The following SEL1L2 variants were observed in gnomAD, a reference collection of about 807,000 sequenced individuals.
The protein encoded by SEL1L2 is protein sel-1 homolog 2.
SEL1L2 carries 89 observed loss-of-function variants against 98.8 expected under a neutral mutation model. The ratio of observed to expected loss-of-function variants is 0.90; its 90% CI spans 0.76 to 1.07. The LOEUF (loss-of-function observed/expected upper bound fraction) is 1.07. Among genes scored for constraint, SEL1L2 ranks in the 50% least tolerant of loss-of-function variants. The pLI is 0.00. For missense variants in SEL1L2, 788 were observed against 812.0 expected (o/e 0.97, Z 0.36); for synonymous variants, 262 against 278.5 (o/e 0.94, Z 0.59).
intron 1 of SEL1L2, among the ~76,000 whole-genome samples, chr20:13,982,508 CA>C (rs10713892): frequency 0.41 from 27,459 of 67,646 alleles, 2,228 homozygotes; most frequent in East Asian, 0.47. Flanking sequence ...GAGACTCTGC[CA>C]AAAAAAAAAA....
At position 13,967,163 on chromosome 20, in the gene SEL1L2, C is replaced by T. The variant is rs531190120; in HGVS notation, c.59-11032G>A. Among the ~76,000 whole-genome samples the T allele has an allele frequency of 3.3e-5, 5 of 152,154 alleles. No individual in the cohort carries two copies. The South Asian group carries it at 1.0e-3, about 32-fold the overall frequency. ...CCCAAAGTGCTGGGATTACAGGAGC[C>T]AGCCACTGTGCCCAGCCAAAACCTA... On this transcript the variant is annotated intron_variant, in intron 1 of 19. Coordinates refer to ENST00000284951, the MANE Select transcript of SEL1L2 (RefSeq NM_025229.2).
chr20:13,946,226 T>G (rs2050000203), intron 2 of SEL1L2, among the ~76,000 whole-genome samples: 2 of 152,176 alleles, frequency 1.3e-5, no homozygotes, highest in Admixed American at 1.3e-4. Context: ...AGATATAATC[T>G]CATATGTAGA....
At chr20:13,951,051 C>T (rs143286749) in intron 2 of SEL1L2, among the ~76,000 whole-genome samples, 3,716 of 150,598 alleles carry the variant, frequency 0.025, 137 homozygotes, top group African/African-American at 0.081. Flanking sequence ...CCGAGGCGTG[C>T]GGATCACAAG....
At chr20:13,859,790 C>T (rs1989795322) in intron 17 of SEL1L2, among the ~76,000 whole-genome samples, 1 of 152,186 alleles carries the variant, frequency 6.6e-6, no homozygotes, top group Non-Finnish European at 1.5e-5. Context: ...ACCTCTGCCT[C>T]TCAGGTTCAA....
intron 4 of SEL1L2, among the ~76,000 whole-genome samples, chr20:13,918,188 C>T (rs2048493501): frequency 6.6e-6 from 1 of 152,202 alleles, no homozygotes; most frequent in Non-Finnish European, 1.5e-5. Flanking sequence ...AAAACTAACA[C>T]ACCTGTATTT....
At chr20:13,918,894 A>C in intron 4 of SEL1L2, 127 bp downstream of exon 4, 1 of 637,596 alleles carries the variant, frequency 1.6e-6, no homozygotes, top group South Asian at 2.1e-5. Flanking sequence ...TTTTAAAAAC[A>C]ATAGTTTATG....
intron 5 of SEL1L2, among the ~76,000 whole-genome samples, chr20:13,900,842 C>G (rs1309867947): frequency 6.6e-6 from 1 of 152,154 alleles, no homozygotes; most frequent in Non-Finnish European, 1.5e-5. Flanking sequence ...GGGGGCTCAC[C>G]TGGCAACAAC....
At chr20:13,983,042 A>AAAAAAAAAAAAAG (rs1171546416) in intron 1 of SEL1L2, among the ~76,000 whole-genome samples, 1 of 143,862 alleles carries the variant, frequency 7.0e-6, no homozygotes, top group Non-Finnish European at 1.5e-5. Context: ...AAAAAAAAAA[A>AAAAAAAAAAAAAG]AAAAAAGCAG....
In SEL1L2 at chr20:13,849,602, G is replaced by A. The variant is rs1987879596; in HGVS notation, c.1950C>T (p.Phe650=). Residue 650 remains phenylalanine (F), a splice_region_variant and synonymous_variant, in exon 20 of 20, where the codon TTC becomes TTT. Coordinates refer to ENST00000284951, the MANE Select transcript of SEL1L2 (RefSeq NM_025229.2). Reference sequence around the variant, plus strand: ...GTTTCAGCCAGTTCCATCTCGTTGTGAACTGCTGGCAAGAGACATTCTCTC... The same window carrying A: ...GTTTCAGCCAGTTCCATCTCGTTGTAAACTGCTGGCAAGAGACATTCTCTC... The part of the protein sequence containing the change: ...HLLRDILFFN[F]TTRWNWLKLD... 1.2e-6 allele frequency: 2 copies of A among 1,613,534 alleles called. No individual in the cohort carries two copies. Among genetic ancestry groups the A allele is most frequent in the African/African-American group, 1.3e-5 (1 of 74,862 alleles).
chr20:13,873,532 T>C (rs1246036791), intron 12 of SEL1L2, among the ~76,000 whole-genome samples: 1 of 151,914 alleles, frequency 6.6e-6, no homozygotes, highest in East Asian at 1.9e-4. Context: ...CAGCTAATTT[T>C]TGTATTTTTA....
rs781465250 is a variant in SEL1L2 at position 13,887,967 on chromosome 20, C to T, written c.638G>A (p.Gly213Glu). The change falls in exon 7 of 20, where the codon GGA (glycine) becomes GAA (glutamate). Residue 213 changes from glycine (G) to glutamate (E), a missense_variant. Coordinates refer to ENST00000284951, the MANE Select transcript of SEL1L2 (RefSeq NM_025229.2). Reference protein sequence around the residue: ...LIYYTFGSAGGNMMSQMILGY... With the variant: ...LIYYTFGSAGENMMSQMILGY... ...CAAAATCATCTGGGACATCATGTTT[C>T]CTCCAGCACTTCCAAAGGTGTAATA... 1 of 1,613,736 alleles carries T rather than the reference C, an allele frequency of 6.2e-7. No homozygotes were observed. The highest frequency in any genetic ancestry group is 1.1e-5 in the South Asian group (1 of 91,066).
intron 17 of SEL1L2, among the ~76,000 whole-genome samples, chr20:13,863,468 C>T (rs1467043169): frequency 6.6e-6 from 1 of 152,132 alleles, no homozygotes; most frequent in Non-Finnish European, 1.5e-5. Flanking sequence ...GTGACTGAGT[C>T]CTGATGGTTC....
intron 12 of SEL1L2, among the ~76,000 whole-genome samples, chr20:13,873,374 A>T (rs946354893): frequency 4.7e-5 from 7 of 150,384 alleles, no homozygotes; most frequent in East Asian, 2.0e-4. Context: ...TTATTTATTT[A>T]TTTTTTGAGA....
chr20:13,951,252 G>A (rs2050250019), intron 2 of SEL1L2, among the ~76,000 whole-genome samples: 1 of 138,120 alleles, frequency 7.2e-6, no homozygotes, highest in Non-Finnish European at 1.5e-5. Flanking sequence ...ACTCCAGCCT[G>A]GGCGACAGAG....
intron 10 of SEL1L2, among the ~76,000 whole-genome samples, chr20:13,878,958 C>G (rs1439271719): frequency 6.6e-6 from 1 of 152,178 alleles, no homozygotes; most frequent in African/African-American, 2.4e-5. Flanking sequence ...GTATCCAGTT[C>G]TCCTATAAGT....
At chr20:13,954,042 A>T (rs118087000) in intron 2 of SEL1L2, among the ~76,000 whole-genome samples, 7,256 of 151,886 alleles carry the variant, frequency 0.048, 242 homozygotes, top group Non-Finnish European at 0.073. Context: ...ATCTTTAAAC[A>T]TTTTTTTCAT....
At position 13,931,459 on chromosome 20, in the gene SEL1L2, G is replaced by A. The variant is rs1203695363; in HGVS notation, c.283+144C>T. 2.1e-5 allele frequency: 9 copies of A among 433,320 alleles called. No homozygotes were observed. The South Asian group carries it at 3.0e-4, about 14-fold the overall frequency. The allele number at this position is 433,320 out of a possible 1,614,324, so 26.8% of individuals were successfully genotyped here. A position where few individuals can be genotyped will look rare whatever the true frequency, so the allele number is the denominator to read the frequency against. Reference sequence around the variant, plus strand: ...TAAAATAAATTAAAATAAAACAAAGGTAGAAGACTGCAGAATTTAATGCTT... The same window carrying A: ...TAAAATAAATTAAAATAAAACAAAGATAGAAGACTGCAGAATTTAATGCTT... On this transcript the variant is annotated intron_variant, in intron 3 of 19. Transcript: ENST00000284951.
rs755195346 is a variant in SEL1L2, at chr20:13,913,825, A to G, written c.506T>C (p.Leu169Ser). Residue 169 changes from leucine (L) to serine (S), a missense_variant, in exon 5 of 20, where the codon TTA (leucine) becomes TCA (serine). Leu to Ser is a moderately radical substitution (Grantham distance 145). Transcript: ENST00000284951. ...TCCTTCTTTAGCCAAGGACTCATAT[A>G]ATTGGATAGCTGCTGTTATATTTTG... ...GVQNITAAIQLYESLAKEGSC... is the reference protein window; with the variant it reads ...GVQNITAAIQSYESLAKEGSC... 5.1e-6 allele frequency: 8 copies of G among 1,554,320 alleles called. No homozygotes were observed. The East Asian group carries it at 1.9e-4, about 38-fold the overall frequency.
chr20:13,888,574 G>C, intron 5 of SEL1L2, 62 bp from the exon 6 acceptor site: 4 of 774,754 alleles, frequency 5.2e-6, no homozygotes, highest in Non-Finnish European at 8.5e-6. Context: ...TATCTATATG[G>C]ATAAGGGATA....
Sources: allele counts gnomAD v4.1 joint callset (sites outside exome capture counted in the v4.1 genomes callset), GRCh38; gene constraint gnomAD v4.1.1; transcripts MANE v1.5; gene names NCBI Gene and HGNC (gene_info 2026-07-23, HGNC 2026-07-21).